The following SPRYD3 variants were observed in gnomAD, a reference collection of about 807,000 sequenced individuals.
SPRYD3 encodes the protein SPRY domain-containing protein 3.
A neutral mutation model predicts 50.1 loss-of-function variants in SPRYD3; 17 were observed. That is an observed-to-expected ratio of 0.34 (90% CI 0.23 to 0.51). SPRYD3 has a LOEUF of 0.51. Ranked by LOEUF, SPRYD3 falls within the 20% of genes least tolerant of loss-of-function variation. The pLI, the probability that SPRYD3 is intolerant of heterozygous loss-of-function variation, is 0.97. For missense variants in SPRYD3, 401 were observed against 591.2 expected, an observed-to-expected ratio of 0.68 and a Z score of 3.34; for synonymous variants, 198 against 215.5, an observed-to-expected ratio of 0.92 and a Z score of 0.71.
intron 1 of SPRYD3, among the ~76,000 whole-genome samples, chr12:53,078,965 C>T (rs1214333518): frequency 6.6e-6 from 1 of 152,196 alleles, no homozygotes; most frequent in Non-Finnish European, 1.5e-5. Flanking sequence ...GATTCCACTC[C>T]CGGGCACTCA....
chr12:53,066,734 G>A (rs539058382), intron 8 of SPRYD3, 42 bp from the exon 9 acceptor site: 2 of 1,568,608 alleles, frequency 1.3e-6, no homozygotes, highest in African/African-American at 1.3e-5. Context: ...GAGGAAGGAG[G>A]GCTGACACCA....
intron 3 of SPRYD3, among the ~76,000 whole-genome samples, chr12:53,075,435 T>C (rs1218152644): frequency 6.6e-6 from 1 of 152,158 alleles, no homozygotes; most frequent in East Asian, 1.9e-4. Flanking sequence ...TGGAGAAAGA[T>C]AGGACTCACG....
In SPRYD3 at chr12:53,074,790, G is replaced by T. The variant is rs1339083459; in HGVS notation, c.372-6C>A. On this transcript the variant is annotated splice_region_variant and splice_polypyrimidine_tract_variant and intron_variant, in intron 4 of 10. Coordinates refer to ENST00000301463, the MANE Select transcript of SPRYD3 (RefSeq NM_032840.3). The surrounding 1 kb of genome is among the most constrained non-coding windows in gnomAD (Gnocchi z 4.6). ...TGGCTCGGCCATTGTACAGCCTACAGACAGAGTAGTACAGACACAGGACCC... is the reference window on the plus strand; with the variant it reads ...TGGCTCGGCCATTGTACAGCCTACATACAGAGTAGTACAGACACAGGACCC... 1 of 1,614,188 alleles carries T rather than the reference G, an allele frequency of 6.2e-7. No homozygotes were observed. Among genetic ancestry groups the T allele is most frequent in the East Asian group, 2.2e-5 (1 of 44,886 alleles).
At position 53,066,331 on chromosome 12, in the gene SPRYD3, C is replaced by T. The variant is rs749911048; in HGVS notation, c.1177G>A (p.Glu393Lys). ...EDGEEIEPEH[E>K]GRKVVVFFTR... ...GTACTCACCACCACCTTCCTGCCCT[C>T]ATGCTCCGGCTCTATCTCTTCCCCA... The change falls in exon 10 of 11, where the codon GAG becomes AAG. Residue 393 changes from glutamate (E) to lysine (K), a missense_variant. Physicochemically the swap from Glu to Lys is moderately conservative, Grantham distance 56 (BLOSUM62 1). Coordinates refer to ENST00000301463, the MANE Select transcript of SPRYD3 (RefSeq NM_032840.3). 1 of 1,614,068 alleles carries T rather than the reference C, an allele frequency of 6.2e-7. No homozygotes were observed. The highest frequency in any genetic ancestry group is 8.5e-7 in the Non-Finnish European group (1 of 1,179,970).
At chr12:53,073,600 T>G in intron 5 of SPRYD3, 129 bp from the exon 6 acceptor site, 1 of 635,902 alleles carries the variant, frequency 1.6e-6, no homozygotes, top group Non-Finnish European at 2.6e-6. Flanking sequence ...ATCCCAGCAC[T>G]TTGGGAGGCC....
chr12:53,069,097 A>G (rs938121446), intron 6 of SPRYD3, among the ~76,000 whole-genome samples: 3 of 152,064 alleles, frequency 2.0e-5, no homozygotes, highest in African/African-American at 4.8e-5. Flanking sequence ...CAGTCCCACA[A>G]TGGTCCTGCC....
At position 53,074,978 on chromosome 12, in the gene SPRYD3, C is replaced by T; in HGVS notation, c.371+117G>A. On this transcript the variant is annotated intron_variant, in intron 4 of 10. Transcript: ENST00000301463. This position sits in a 1 kb window ranked among gnomAD's most constrained non-coding sequence, Gnocchi z 4.6. ...GGGTGCTGCCAGGCCACTTCCCTGT[C>T]CTGACCAGAAAAGTCTATGAAACAC... The T allele has an allele frequency of 1.4e-6, 2 of 1,465,274 alleles. No homozygotes were observed. The highest frequency in any genetic ancestry group is 1.9e-6 in the Non-Finnish European group (2 of 1,059,750). 90.8% of individuals were successfully genotyped at this position (1,465,274 alleles called of 1,614,324 possible). A position where few individuals can be genotyped will look rare whatever the true frequency, so the allele number is the denominator to read the frequency against.
In SPRYD3 at chr12:53,074,658, A is replaced by G; in HGVS notation, c.498T>C (p.Asn166=). 1 of 1,614,196 alleles carries G rather than the reference A, an allele frequency of 6.2e-7. No individual in the cohort carries two copies. The highest frequency in any genetic ancestry group is 8.5e-7 in the Non-Finnish European group (1 of 1,180,036). ...ACTATTTCCCACTCACCCGCTTCCC[A>G]TTTTTGGTGAAGAAGATCTGGGCGG... The part of the protein sequence containing the change: ...VQTAQIFFTK[N]GKRVGSTIMP... The change falls in exon 5 of 11, where the codon AAT becomes AAC. Residue 166 remains asparagine, a synonymous_variant. Coordinates refer to ENST00000301463, the MANE Select transcript of SPRYD3 (RefSeq NM_032840.3). This position sits in a 1 kb window ranked among gnomAD's most constrained non-coding sequence, Gnocchi z 4.6.
intron 6 of SPRYD3, among the ~76,000 whole-genome samples, chr12:53,072,957 GC>G (rs1944559948): frequency 6.6e-6 from 1 of 152,150 alleles, no homozygotes. Context: ...TCAACCCCCA[GC>G]CCCTCAAAGG....
chr12:53,079,233 G>T (rs1217311845), intron 1 of SPRYD3, 78 bp downstream of exon 1: 2 of 1,182,640 alleles, frequency 1.7e-6, no homozygotes, highest in Non-Finnish European at 2.4e-6. Flanking sequence ...CAGAGCCCCC[G>T]CCCAGGACCC....
rs753776722 is a variant in SPRYD3 at position 53,079,320 on chromosome 12, C to A, written c.14G>T (p.Arg5Leu). 2 of 1,608,660 alleles carry A rather than the reference C, an allele frequency of 1.2e-6. No individual in the cohort carries two copies. The highest frequency in any genetic ancestry group is 2.2e-5 in the South Asian group (2 of 90,380). Residue 5 changes from arginine to leucine, a missense_variant, in exon 1 of 11, where the codon CGG becomes CTG. By Grantham distance (102) the Arg-to-Leu change is moderately radical (BLOSUM62 -2). Coordinates refer to ENST00000301463, the MANE Select transcript of SPRYD3 (RefSeq NM_032840.3). MRRTRRPRFVLMNKM... is the reference protein window; with the variant it reads MRRTLRPRFVLMNKM... ...CCCGATCCCCGCCTACCGGGGCCGC[C>A]GCGTCCTCCTCATCCATAGGCCTCT...
Position 53,065,158 on chromosome 12 carries a change from C to A in SPRYD3, c.*674G>T, listed in dbSNP as rs975128130. The A allele has an allele frequency of 6.6e-6, 1 of 152,404 alleles. No individual in the cohort carries two copies. The highest frequency in any genetic ancestry group is 1.5e-5 in the Non-Finnish European group (1 of 68,104). The allele number at this position is 152,404 out of a possible 1,614,324, so 9.4% of individuals were successfully genotyped here. A position where few individuals can be genotyped will look rare whatever the true frequency, so the allele number is the denominator to read the frequency against. ...CACCTCACAGCCCCTCTCTCTTAAA[C>A]ATGCAACAGGCACCCACCCATGTGG... is the stretch of plus-strand genomic sequence containing the variant. On this transcript the variant is annotated 3_prime_UTR_variant, in exon 11 of 11. Coordinates refer to ENST00000301463, the MANE Select transcript of SPRYD3 (RefSeq NM_032840.3).
At chr12:53,075,964 T>C (rs1944585149) in intron 2 of SPRYD3, among the ~76,000 whole-genome samples, 153 bp from the exon 3 acceptor site, 1 of 152,124 alleles carries the variant, frequency 6.6e-6, no homozygotes, top group Admixed American at 6.5e-5. Context: ...CAGAACCAGA[T>C]ACTTAAGGTC....
Position 53,073,378 on chromosome 12 carries a change from C to T in SPRYD3, c.601G>A (p.Ala201Thr), listed in dbSNP as rs1944563609. ...LGEEVRLHLN[A>T]ELGREDDSVM... ...CTGTCGTCCTCACGGCCCAGCTCAG[C>T]GTTGAGGTGCAGCCGCACCTCCTCA... Residue 201 changes from alanine to threonine, a missense_variant, in exon 6 of 11, where the codon GCT becomes ACT. Ala to Thr is a moderately conservative substitution (Grantham distance 58). Coordinates refer to ENST00000301463, the MANE Select transcript of SPRYD3 (RefSeq NM_032840.3). 1.9e-6 allele frequency: 3 copies of T among 1,590,696 alleles called. No individual in the cohort carries two copies. The highest frequency in any genetic ancestry group is 2.6e-6 in the Non-Finnish European group (3 of 1,168,570).
Position 53,066,464 on chromosome 12 carries a change from G to A in SPRYD3, c.1044C>T (p.Asp348=). ...DSEGDSDDSC[D]TVILSPTARA... ...GGGCAGTCGGAGACAGGATCACTGT[G>A]TCACAACTGTCATCACTGTCCCCTA... Residue 348 remains aspartate, a synonymous_variant, in exon 10 of 11, where the codon GAC becomes GAT. Coordinates refer to ENST00000301463, the MANE Select transcript of SPRYD3 (RefSeq NM_032840.3). 6.2e-7 allele frequency: 1 copy of A among 1,614,106 alleles called. No homozygotes were observed. Among genetic ancestry groups the A allele is most frequent in the East Asian group, 2.2e-5 (1 of 44,864 alleles).
chr12:53,066,470 A>G lies in SPRYD3; in HGVS notation c.1038T>C (p.Ser346=). 3.1e-6 allele frequency: 5 copies of G among 1,614,088 alleles called. No individual in the cohort carries two copies. The highest frequency in any genetic ancestry group is 2.2e-5 in the East Asian group (1 of 44,868). Residue 346 remains serine (S), a synonymous_variant, in exon 10 of 11, where the codon AGT becomes AGC. Transcript: ENST00000301463. The part of the protein sequence containing the change: ...ILDSEGDSDD[S]CDTVILSPTA... ...TCGGAGACAGGATCACTGTGTCACAACTGTCATCACTGTCCCCTAGGAGAC... is the reference window on the plus strand; with the variant it reads ...TCGGAGACAGGATCACTGTGTCACAGCTGTCATCACTGTCCCCTAGGAGAC...
intron 6 of SPRYD3, 121 bp downstream of exon 6, chr12:53,073,165 C>A (rs1944561165): frequency 3.1e-6 from 2 of 646,342 alleles, no homozygotes; most frequent in Non-Finnish European, 5.4e-6. Context: ...TCTTGCCAAA[C>A]CCCACACGGA....
In SPRYD3 at chr12:53,064,802, T is replaced by G. The variant is rs970622510; in HGVS notation, c.*1030A>C. 2 of 152,956 alleles carry G rather than the reference T, an allele frequency of 1.3e-5. No homozygotes were observed. Among genetic ancestry groups the G allele is most frequent in the African/African-American group, 4.8e-5 (2 of 41,442 alleles). The allele number at this position is 152,956 out of a possible 1,614,324, so 9.5% of individuals were successfully genotyped here. A position where few individuals can be genotyped will look rare whatever the true frequency, so the allele number is the denominator to read the frequency against. On this transcript the variant is annotated 3_prime_UTR_variant, in exon 11 of 11. Coordinates refer to ENST00000301463, the MANE Select transcript of SPRYD3 (RefSeq NM_032840.3). ...CTCTTCCTCCCTGGAAAAGTCACTG[T>G]TACGGGGAGGGGGCCAGGGGTTGAA...
In SPRYD3 at chr12:53,066,028, T is replaced by C. The variant is rs567100372; in HGVS notation, c.1195-62A>G. On this transcript the variant is annotated intron_variant, in intron 10 of 10. Coordinates refer to ENST00000301463, the MANE Select transcript of SPRYD3 (RefSeq NM_032840.3). ...GCTGTGGCCTCTTCCCTGAGGATGC[T>C]GGAGCTCCACAGGCCTGAACCCCAA... The C allele has an allele frequency of 2.5e-6, 4 of 1,569,298 alleles. No individual in the cohort carries two copies. In the African/African-American group the frequency reaches 4.0e-5, roughly 16 times the overall value.
Sources: gnomAD v4.1 joint callset for allele counts (sites outside exome capture counted in the v4.1 genomes callset) on GRCh38, gnomAD v4.1.1 for gene constraint, Gnocchi (gnomAD v3.1) non-coding constraint, MANE v1.5 for transcripts, NCBI Gene and HGNC (gene_info 2026-07-23, HGNC 2026-07-21) for gene names.